Variants in WDR43 observed in about 807,000 individuals in gnomAD.
WDR43 encodes WD repeat domain 43.
A neutral mutation model predicts 91.4 loss-of-function variants in WDR43; 13 were observed. The observed-to-expected ratio is 0.14, with a 90% CI of 0.09 to 0.23. The LOEUF is 0.23. Among genes scored for constraint, WDR43 ranks in the 10% least tolerant of loss-of-function variants. WDR43 has a pLI of 1.00. For synonymous variants in WDR43, 331 were observed against 287.9 expected (o/e 1.15, Z -1.51); for missense variants, 780 against 809.4 (o/e 0.96, Z 0.44).
intron 14 of WDR43, among the ~76,000 whole-genome samples, chr2:28,939,005 A>G (rs5006637): frequency 1.2e-3 from 75 of 62,996 alleles, no homozygotes; most frequent in South Asian, 1.6e-3. Context: ...TGGCCTGGGA[A>G]CACTGGTGAG....
intron 11 of WDR43, chr2:28,930,245 T>G: frequency 2.7e-6 from 1 of 370,184 alleles, no homozygotes; most frequent in Non-Finnish European, 5.5e-6. Flanking sequence ...AGGGAGGCAT[T>G]TATGATTTCT....
intron 7 of WDR43, 116 bp from the exon 8 acceptor site, chr2:28,924,866 G>T: frequency 8.1e-7 from 1 of 1,236,590 alleles, no homozygotes; most frequent in Non-Finnish European, 1.1e-6. Context: ...GGTGACTCCT[G>T]ATGGCAGTAT....
At chr2:28,928,169 C>T (rs11677283) in intron 10 of WDR43, 39,984 of 154,718 alleles carry the variant, frequency 0.26, 6,369 homozygotes, top group East Asian at 0.77. Context: ...TTTGTGGTTA[C>T]TGTACATGTC....
Position 28,946,712 on chromosome 2 carries a change from C to T in WDR43, c.1967C>T (p.Thr656Ile), listed in dbSNP as rs185161475. ...KDEENGEDRD[T>I]ASEKELNGDS... ...GAAGAAAATGGCGAGGACAGAGATA[C>T]AGCAAGTGAAAAAGAATTAAATGGA... The change falls in exon 18 of 18, where the codon ACA (threonine) becomes ATA (isoleucine). Residue 656 changes from threonine (T) to isoleucine (I), a missense_variant. This residue lies in a region of WDR43 where 426 missense variants were observed against 467.8 expected (regional missense o/e 0.91). Transcript: ENST00000407426. 92 of 1,582,408 alleles carry T rather than the reference C, an allele frequency of 5.8e-5. No homozygotes were observed. In the African/African-American group the frequency reaches 1.2e-3, roughly 21 times the overall value.
At chr2:28,936,325 C>T (rs1671336705) in intron 12 of WDR43, among the ~76,000 whole-genome samples, 1 of 152,048 alleles carries the variant, frequency 6.6e-6, no homozygotes, top group African/African-American at 2.4e-5. Flanking sequence ...ATTTATCTAA[C>T]ATGCTGCTGA....
chr2:28,926,268 T>A (rs1451734009), intron 8 of WDR43, among the ~76,000 whole-genome samples, 200 bp from the exon 9 acceptor site: 1 of 152,194 alleles, frequency 6.6e-6, no homozygotes, highest in Non-Finnish European at 1.5e-5. Context: ...AGAATTACCA[T>A]TTTTCTTAAC....
intron 1 of WDR43, among the ~76,000 whole-genome samples, chr2:28,895,620 T>TA (rs1459229598): frequency 6.6e-6 from 1 of 152,148 alleles, no homozygotes; most frequent in Non-Finnish European, 1.5e-5. Context: ...ATGTGGAGGT[T>TA]AAGTGAAGTA....
At chr2:28,930,256 G>A (rs753887510) in intron 11 of WDR43, 4 of 355,664 alleles carry the variant, frequency 1.1e-5, no homozygotes, top group African/African-American at 4.3e-5. Context: ...TATGATTTCT[G>A]TGTAAGTTGG....
intron 1 of WDR43, among the ~76,000 whole-genome samples, chr2:28,897,136 A>G (rs576589733): frequency 3.9e-4 from 60 of 152,322 alleles, no homozygotes; most frequent in African/African-American, 1.4e-3. Flanking sequence ...GCTGGAAGGA[A>G]TGTAGAGACA....
intron 3 of WDR43, among the ~76,000 whole-genome samples, chr2:28,910,194 G>A (rs1366232121): frequency 1.3e-5 from 2 of 152,136 alleles, no homozygotes; most frequent in Non-Finnish European, 2.9e-5. Flanking sequence ...TTAGGGTGTG[G>A]GGAGGATAGA....
chr2:28,935,696 A>T (rs1671324582), intron 12 of WDR43, 89 bp downstream of exon 12: 1 of 779,178 alleles, frequency 1.3e-6, no homozygotes, highest in Non-Finnish European at 2.0e-6. Flanking sequence ...TGTAATACGT[A>T]AGGACACATG....
In WDR43 at chr2:28,947,864, G is replaced by GTTTTTTTTTTT. The variant is rs11351588; in HGVS notation, c.*1100_*1110dup. The GTTTTTTTTTTT allele has an allele frequency of 1.0e-5, 1 of 99,600 alleles. No homozygotes were observed. The highest frequency in any genetic ancestry group is 4.0e-5 in the African/African-American group (1 of 25,208). The allele number at this position is 99,600 out of a possible 1,614,324, so 6.2% of individuals were successfully genotyped here. On this transcript the variant is annotated 3_prime_UTR_variant, in exon 18 of 18. Coordinates refer to ENST00000407426, the MANE Select transcript of WDR43 (RefSeq NM_015131.3). Reference sequence around the variant, plus strand: ...AAGCCTTTGCAAATTATCAGTAGTAGTTTTTTTTTTTTTTTTTTTTTTTTT... The same window carrying GTTTTTTTTTTT: ...AAGCCTTTGCAAATTATCAGTAGTAGTTTTTTTTTTTTTTTTTTTTTTTTTTTTTTTTTTTT...
At chr2:28,928,513 A>G (rs994729141) in intron 10 of WDR43, among the ~76,000 whole-genome samples, 1 of 152,128 alleles carries the variant, frequency 6.6e-6, no homozygotes, top group African/African-American at 2.4e-5. Flanking sequence ...TAATTTCCCC[A>G]TGTCCTTTTT....
chr2:28,896,540 A>G (rs1670484883), intron 1 of WDR43, among the ~76,000 whole-genome samples: 1 of 152,236 alleles, frequency 6.6e-6, no homozygotes. Flanking sequence ...GAAACTAAGC[A>G]ACTTGAATAA....
intron 11 of WDR43, among the ~76,000 whole-genome samples, chr2:28,931,554 C>T (rs887974403): frequency 6.6e-6 from 1 of 152,016 alleles, no homozygotes; most frequent in Non-Finnish European, 1.5e-5. Context: ...TAACACATTG[C>T]TCTGTTTATC....
At chr2:28,938,307 G>C (rs11127194) in intron 14 of WDR43, among the ~76,000 whole-genome samples, 35,077 of 152,086 alleles carry the variant, frequency 0.23, 4,580 homozygotes, top group African/African-American at 0.32. Context: ...CACACACACA[G>C]GCACGGCAGG....
chr2:28,912,947 A>ATTTTTTTTT (rs35646381), intron 4 of WDR43, among the ~76,000 whole-genome samples: 1 of 100,958 alleles, frequency 9.9e-6, no homozygotes, highest in Non-Finnish European at 1.9e-5. Flanking sequence ...AAGAAACAAG[A>ATTTTTTTTT]TTTTTTTTTT....
Position 28,923,070 on chromosome 2 carries a change from C to T in WDR43, c.914+87C>T. ...ACTCCCACCTGGTTATTCTTTGCAT[C>T]ATATTACTATTCAGCCAGATTATTT... On this transcript the variant is annotated intron_variant, in intron 7 of 17. Transcript: ENST00000407426. 3.6e-6 allele frequency: 4 copies of T among 1,118,580 alleles called. No individual in the cohort carries two copies. The South Asian group carries it at 5.9e-5, about 17-fold the overall frequency. The allele number at this position is 1,118,580 out of a possible 1,614,324, so 69.3% of individuals were successfully genotyped here.
intron 2 of WDR43, 80 bp downstream of exon 2, chr2:28,902,204 A>C: frequency 6.9e-7 from 1 of 1,444,434 alleles, no homozygotes; most frequent in Non-Finnish European, 9.2e-7. Context: ...AAAACACTTC[A>C]AGGTATGTGA....
Sources: gnomAD v4.1 joint callset for allele counts (sites outside exome capture counted in the v4.1 genomes callset) on GRCh38, gnomAD v4.1.1 for gene constraint, gnomAD v4.1.1 regional missense constraint, MANE v1.5 for transcripts, NCBI Gene and HGNC (gene_info 2026-07-23, HGNC 2026-07-21) for gene names.